The following RAPGEF5 variants were observed in gnomAD, a reference collection of about 807,000 sequenced individuals.
RAPGEF5 encodes M-Ras-regulated GEF.
Under a neutral mutation model 125.2 loss-of-function variants are expected in RAPGEF5, and 65 were observed. That is an observed-to-expected ratio of 0.52 (90% confidence interval 0.43 to 0.64). The LOEUF (loss-of-function observed/expected upper bound fraction) is 0.64, where lower values mean the gene tolerates loss of function less well. Ranked by LOEUF, RAPGEF5 falls within the 30% of genes least tolerant of loss-of-function variation. The pLI is 0.00. For missense variants in RAPGEF5, 958 were observed against 1,048.1 expected (o/e 0.91, Z 1.19); for synonymous variants, 391 against 385.9 (o/e 1.01, Z -0.16).
chr7:22,296,043 G>C (rs1783052761), intron 5 of RAPGEF5, among the ~76,000 whole-genome samples: 1 of 152,094 alleles, frequency 6.6e-6, no homozygotes, highest in Admixed American at 6.5e-5. Flanking sequence ...AGGGGTGGTG[G>C]AGGTGCTATT....
intron 1 of RAPGEF5, among the ~76,000 whole-genome samples, chr7:22,333,012 GAAATAA>G (rs1313082256): frequency 1.3e-5 from 2 of 152,104 alleles, no homozygotes; most frequent in Non-Finnish European, 2.9e-5. Flanking sequence ...GTACATAGCT[GAAATAA>G]AATGCTTTTA....
chr7:22,294,785 C>G (rs540174343), intron 5 of RAPGEF5, among the ~76,000 whole-genome samples: 1 of 152,334 alleles, frequency 6.6e-6, no homozygotes, highest in East Asian at 1.9e-4. Flanking sequence ...CATCTCTCAC[C>G]TGGACTCAGA....
chr7:22,281,794 C>T (rs1782679045), intron 6 of RAPGEF5, among the ~76,000 whole-genome samples: 2 of 152,230 alleles, frequency 1.3e-5, no homozygotes, highest in Admixed American at 1.3e-4. Flanking sequence ...GATGTTACTA[C>T]ATAAAGCTTC....
At chr7:22,291,356 C>T (rs999484653) in intron 5 of RAPGEF5, 115 bp from the exon 6 acceptor site, 3 of 1,407,428 alleles carry the variant, frequency 2.1e-6, no homozygotes, top group African/African-American at 2.9e-5. Flanking sequence ...AGCAAAAGTA[C>T]TCATGAAAAT....
intron 16 of RAPGEF5, 43 bp from the exon 17 acceptor site, chr7:22,154,647 T>C (rs1220730451): frequency 1.9e-6 from 3 of 1,599,426 alleles, no homozygotes; most frequent in Non-Finnish European, 2.6e-6. Flanking sequence ...AGAACAGTGG[T>C]CACGAGGTAT....
At chr7:22,126,210 T>C (rs943667468) in intron 24 of RAPGEF5, among the ~76,000 whole-genome samples, 5 of 152,158 alleles carry the variant, frequency 3.3e-5, no homozygotes, top group Admixed American at 2.6e-4. Flanking sequence ...TTATGAGCCA[T>C]GAGAAAATAC....
chr7:22,156,914 T>C (rs983162876), intron 15 of RAPGEF5, 26 bp from the exon 16 acceptor site: 7 of 1,613,622 alleles, frequency 4.3e-6, no homozygotes, highest in Non-Finnish European at 5.1e-6. Flanking sequence ...AAGAGAACAA[T>C]GAATGAATAC....
At chr7:22,190,257 C>G (rs539824472) in intron 11 of RAPGEF5, among the ~76,000 whole-genome samples, 2 of 152,196 alleles carry the variant, frequency 1.3e-5, no homozygotes, top group South Asian at 4.2e-4. Flanking sequence ...GGGTGACAGA[C>G]AGACACTCCG....
At chr7:22,158,696 C>T (rs890260486) in intron 14 of RAPGEF5, among the ~76,000 whole-genome samples, 10 of 15,638 alleles carry the variant, frequency 6.4e-4, no homozygotes, top group African/African-American at 2.4e-3. Flanking sequence ...CGTGATCACT[C>T]TTCACTGCAG....
chr7:22,285,766 A>G (rs1302012979), intron 6 of RAPGEF5, among the ~76,000 whole-genome samples: 1 of 152,246 alleles, frequency 6.6e-6, no homozygotes, highest in Non-Finnish European at 1.5e-5. Context: ...ATTTTAGTCC[A>G]GTGGTATTTC....
rs777112015 is a variant in RAPGEF5 at position 22,167,056 on chromosome 7, A to G, written c.1283+14T>C. On this transcript the variant is annotated intron_variant, in intron 12 of 25. Coordinates refer to ENST00000665637, the MANE Select transcript of RAPGEF5 (RefSeq NM_012294.5). ...AGGAAGTGGACACAGCAGCCTGAAGATAATGAAGGATATTGCCTTAACAGA... is the reference window on the plus strand; with the variant it reads ...AGGAAGTGGACACAGCAGCCTGAAGGTAATGAAGGATATTGCCTTAACAGA... 1.0e-5 allele frequency: 16 copies of G among 1,593,884 alleles called. No homozygotes were observed. The highest frequency in any genetic ancestry group is 1.3e-5 in the African/African-American group (1 of 74,484).
chr7:22,269,916 G>T (rs1782378043), intron 6 of RAPGEF5, among the ~76,000 whole-genome samples: 1 of 152,154 alleles, frequency 6.6e-6, no homozygotes, highest in Non-Finnish European at 1.5e-5. Flanking sequence ...CAGATTGGTG[G>T]GAAAAACTAT....
At chr7:22,309,853 T>C in intron 4 of RAPGEF5, 116 bp downstream of exon 4, 2 of 1,174,140 alleles carry the variant, frequency 1.7e-6, no homozygotes, top group Non-Finnish European at 1.1e-6. Context: ...AATACAAATA[T>C]TTATCTTCAA....
chr7:22,251,775 C>CAAAAAAAA (rs58681076), intron 7 of RAPGEF5, among the ~76,000 whole-genome samples: 788 of 73,322 alleles, frequency 0.011, 110 homozygotes, highest in African/African-American at 0.016. Flanking sequence ...GTTTCATTGA[C>CAAAAAAAA]AAAAAAAAAA....
In RAPGEF5 at chr7:22,315,431, T is replaced by A. The variant is rs1783568454; in HGVS notation, c.328A>T (p.Ile110Phe). The change falls in exon 3 of 26, where the codon ATT becomes TTT. Residue 110 changes from isoleucine (I) to phenylalanine (F), a missense_variant. Coordinates refer to ENST00000665637, the MANE Select transcript of RAPGEF5 (RefSeq NM_012294.5). ...AGGTCAGCTGCTTGAACGATAATAA[T>A]ATTCCTCAATGCTCTTCCTGCACAA... is the stretch of plus-strand genomic sequence containing the variant. ...SSCAGRALRN[I>F]IIVQAADLIK... 2.6e-6 allele frequency: 4 copies of A among 1,533,516 alleles called. No homozygotes were observed. In the Admixed American group the frequency reaches 8.4e-5, roughly 32 times the overall value. 95.0% of individuals were successfully genotyped at this position (1,533,516 alleles called of 1,614,324 possible). A position where few individuals can be genotyped will look rare whatever the true frequency, so the allele number is the denominator to read the frequency against.
intron 21 of RAPGEF5, 94 bp from the exon 22 acceptor site, chr7:22,137,077 G>T: frequency 1.1e-6 from 1 of 923,550 alleles, no homozygotes; most frequent in Non-Finnish European, 1.7e-6. Flanking sequence ...GTTTATCTGT[G>T]TCACATTTCT....
intron 9 of RAPGEF5, among the ~76,000 whole-genome samples, chr7:22,204,061 TGG>T (rs1299063759): frequency 6.6e-6 from 1 of 152,192 alleles, no homozygotes; most frequent in East Asian, 1.9e-4. Flanking sequence ...ATTTGTCCCG[TGG>T]GGTTTGAATA....
chr7:22,154,518 C>T lies in RAPGEF5; in HGVS notation c.1723G>A (p.Val575Met), dbSNP rs778700933. ...SSIAQEILKV[V>M]AEKIQYAEED... ...TCTGCATACTGGATCTTTTCTGCCA[C>T]GACTTTTAGGATCTCTTGGGCTATA... is the stretch of plus-strand genomic sequence containing the variant. Residue 575 changes from valine (V) to methionine (M), a missense_variant, in exon 17 of 26, where the codon GTG becomes ATG. By Grantham distance (21) the Val-to-Met change is conservative. Coordinates refer to ENST00000665637, the MANE Select transcript of RAPGEF5 (RefSeq NM_012294.5). 3 of 1,613,830 alleles carry T rather than the reference C, an allele frequency of 1.9e-6. No individual in the cohort carries two copies. The highest frequency in any genetic ancestry group is 1.1e-5 in the South Asian group (1 of 91,070).
chr7:22,198,286 C>T (rs17766936), intron 9 of RAPGEF5, among the ~76,000 whole-genome samples: 18,706 of 152,208 alleles, frequency 0.12, 1,204 homozygotes, highest in African/African-American at 0.15. Context: ...CATCAAACTC[C>T]ACAGGGCACT....
Sources: allele counts gnomAD v4.1 joint callset (sites outside exome capture counted in the v4.1 genomes callset), GRCh38; gene constraint gnomAD v4.1.1; transcripts MANE v1.5; gene names NCBI Gene and HGNC (gene_info 2026-07-23, HGNC 2026-07-21).